FBLN2: variants seen among roughly 807,000 people sequenced by gnomAD.
FBLN2 encodes fibulin-2.
FBLN2 carries 81 observed loss-of-function variants against 123.7 expected under a neutral mutation model. The ratio of observed to expected loss-of-function variants is 0.65; its 90% CI spans 0.55 to 0.79. The LOEUF (loss-of-function observed/expected upper bound fraction) is 0.79. FBLN2 is among the 30% of genes least tolerant of loss of function. The pLI is 0.00. For missense variants in FBLN2, 1,603 were observed against 1,681.3 expected (o/e 0.95, Z 0.81); for synonymous variants, 699 against 701.4 (o/e 1.00, Z 0.05).
At chr3:13,597,936 G>A (rs1244339757) in intron 2 of FBLN2, among the ~76,000 whole-genome samples, 1 of 152,232 alleles carries the variant, frequency 6.6e-6, no homozygotes, top group East Asian at 1.9e-4. Context: ...GTTGAGGCTG[G>A]GCTGTCAGAG....
chr3:13,616,927 G>T (rs535682974), intron 5 of FBLN2, among the ~76,000 whole-genome samples: 3 of 152,266 alleles, frequency 2.0e-5, no homozygotes, highest in South Asian at 4.1e-4. Flanking sequence ...ATCCAATAGA[G>T]CCCAGATTTG....
At chr3:13,603,901 G>A (rs1705121434) in intron 2 of FBLN2, among the ~76,000 whole-genome samples, 1 of 152,152 alleles carries the variant, frequency 6.6e-6, no homozygotes, top group South Asian at 2.1e-4. Context: ...AGCACCTGTT[G>A]TTTCCTGACT....
At chr3:13,618,757 C>T in intron 6 of FBLN2, 147 bp from the exon 7 acceptor site, 1 of 642,082 alleles carries the variant, frequency 1.6e-6, no homozygotes, top group Non-Finnish European at 2.8e-6. Flanking sequence ...ATGCACACTC[C>T]AAACCTCATT....
chr3:13,571,635 AT>A lies in FBLN2; in HGVS notation c.1282del (p.Ser428LeufsTer14), dbSNP rs1183180300. 6.2e-7 allele frequency: 1 copy of A among 1,605,288 alleles called. No homozygotes were observed. Among genetic ancestry groups the A allele is most frequent in the Non-Finnish European group, 8.5e-7 (1 of 1,175,470 alleles). On this transcript the variant is annotated frameshift_variant, in exon 2 of 18. Transcript: ENST00000404922. LOFTEE classifies it high-confidence loss of function. ...VEEDTDPNSV[H>X]SIPRSSPEGS... ...GAGGACACAGACCCCAACTCTGTCCATTCTATCCCCAGAAGTAGCCCTGAAG... is the reference window on the plus strand; with the variant it reads ...GAGGACACAGACCCCAACTCTGTCCATCTATCCCCAGAAGTAGCCCTGAAG...
intron 16 of FBLN2, among the ~76,000 whole-genome samples, chr3:13,635,611 T>C (rs1487540958): frequency 2.0e-5 from 3 of 152,196 alleles, no homozygotes; most frequent in Non-Finnish European, 2.9e-5. Context: ...TGCTTCTGAA[T>C]GTACAGGAAG....
chr3:13,602,609 A>G (rs1312637092), intron 2 of FBLN2, among the ~76,000 whole-genome samples: 1 of 152,184 alleles, frequency 6.6e-6, no homozygotes, highest in African/African-American at 2.4e-5. Context: ...TTTCGTCTTC[A>G]TGTGAATCAA....
At chr3:13,551,665 G>A (rs1408109999) in intron 1 of FBLN2, among the ~76,000 whole-genome samples, 1 of 152,112 alleles carries the variant, frequency 6.6e-6, no homozygotes. Flanking sequence ...CGCAATAGGT[G>A]CTTCGTAAAT....
At chr3:13,604,451 T>G (rs1378332135) in intron 2 of FBLN2, among the ~76,000 whole-genome samples, 2 of 152,216 alleles carry the variant, frequency 1.3e-5, no homozygotes, top group African/African-American at 4.8e-5. Flanking sequence ...TTTCTACATA[T>G]GGCTAGCCAG....
intron 1 of FBLN2, among the ~76,000 whole-genome samples, chr3:13,553,727 G>A (rs1176939233): frequency 6.6e-6 from 1 of 152,210 alleles, no homozygotes; most frequent in African/African-American, 2.4e-5. Flanking sequence ...TTCCTGAGAG[G>A]GGCTGTATTG....
At chr3:13,631,292 G>A in intron 15 of FBLN2, 37 bp from the exon 16 acceptor site, 2 of 1,587,572 alleles carry the variant, frequency 1.3e-6, no homozygotes, top group Non-Finnish European at 1.7e-6. Flanking sequence ...TCTGTGGGTG[G>A]ACGAGGTTCA....
At chr3:13,598,581 C>T (rs76053636) in intron 2 of FBLN2, among the ~76,000 whole-genome samples, 2,082 of 152,306 alleles carry the variant, frequency 0.014, 53 homozygotes, top group African/African-American at 0.048. Flanking sequence ...CCTCTTTTTA[C>T]GCCTCTGGGG....
At chr3:13,565,748 C>T (rs1468001655) in intron 1 of FBLN2, among the ~76,000 whole-genome samples, 1 of 152,222 alleles carries the variant, frequency 6.6e-6, no homozygotes, top group Non-Finnish European at 1.5e-5. Flanking sequence ...CTCCACCTGC[C>T]AACCTTTCCT....
rs77994636 is a variant in FBLN2, at chr3:13,557,668, G to A, written c.-42+8460G>A. On this transcript the variant is annotated intron_variant, in intron 1 of 17. Coordinates refer to ENST00000404922, the MANE Select transcript of FBLN2 (RefSeq NM_001004019.2). ...TCAGCATGGGCCATGTGACTGGGTC[G>A]TGTGACTGCTCTGACCTGTCACTGT... Among the ~76,000 whole-genome samples, 871 of 152,356 alleles carry A rather than the reference G, an allele frequency of 5.7e-3. 5 individuals carry two copies. Among genetic ancestry groups the A allele is most frequent in the Non-Finnish European group, 0.011 (734 of 68,032 alleles).
chr3:13,623,225 C>T (rs374153594), intron 9 of FBLN2, among the ~76,000 whole-genome samples: 1 of 152,168 alleles, frequency 6.6e-6, no homozygotes, highest in African/African-American at 2.4e-5. Context: ...CGTGTGTGTA[C>T]GTCTGGGAAG....
intron 2 of FBLN2, among the ~76,000 whole-genome samples, chr3:13,580,577 A>C (rs879287798): frequency 6.6e-6 from 1 of 152,152 alleles, no homozygotes; most frequent in Non-Finnish European, 1.5e-5. Context: ...TGCCAGTCTG[A>C]GAGGTGGGGA....
At chr3:13,555,433 T>A (rs929238315) in intron 1 of FBLN2, among the ~76,000 whole-genome samples, 2 of 151,990 alleles carry the variant, frequency 1.3e-5, no homozygotes, top group African/African-American at 4.8e-5. Flanking sequence ...CCCTGTTTTT[T>A]TTTTATTTAT....
chr3:13,623,102 G>A (rs1033225292), intron 9 of FBLN2, among the ~76,000 whole-genome samples: 20 of 152,316 alleles, frequency 1.3e-4, no homozygotes, highest in African/African-American at 4.1e-4. Flanking sequence ...ATGGTGCTGG[G>A]CTGAATGCCT....
chr3:13,617,038 C>T (rs1705631934), intron 5 of FBLN2, among the ~76,000 whole-genome samples: 1 of 152,160 alleles, frequency 6.6e-6, no homozygotes, highest in African/African-American at 2.4e-5. Flanking sequence ...GTGGATCTGA[C>T]CCTGTCCTAT....
chr3:13,559,990 G>A lies in FBLN2; in HGVS notation c.-41-10325G>A, dbSNP rs547142907. Among the ~76,000 whole-genome samples the A allele has an allele frequency of 1.1e-4, 16 of 152,314 alleles. No individual in the cohort carries two copies. The East Asian group carries it at 2.7e-3, about 26-fold the overall frequency. On this transcript the variant is annotated intron_variant, in intron 1 of 17. Coordinates refer to ENST00000404922, the MANE Select transcript of FBLN2 (RefSeq NM_001004019.2). ...GTGATCTCAGCCTTGGCCGTGGGCA[G>A]CCTCATTTCTCATCGCTCCCACCCT...
Sources: gnomAD v4.1 joint callset for allele counts (sites outside exome capture counted in the v4.1 genomes callset) on GRCh38, gnomAD v4.1.1 for gene constraint, MANE v1.5 for transcripts, NCBI Gene and HGNC (gene_info 2026-07-23, HGNC 2026-07-21) for gene names.